The following SNAP91 variants were observed in gnomAD, a reference collection of about 807,000 sequenced individuals.
The protein encoded by SNAP91 is clathrin coat assembly protein AP180.
Under a neutral mutation model 100.3 loss-of-function variants are expected in SNAP91, and 27 were observed. That is an observed-to-expected ratio of 0.27 (90% CI 0.20 to 0.37). The LOEUF is 0.37. SNAP91 is among the 10% of genes least tolerant of loss of function. The pLI, the probability that SNAP91 is intolerant of heterozygous loss-of-function variation, is 1.00. For missense variants in SNAP91, 986 were observed against 1,123.7 expected (o/e 0.88, Z 1.75); for synonymous variants, 404 against 398.6 (o/e 1.01, Z -0.16).
chr6:83,605,642 T>C (rs780699393), intron 14 of SNAP91, 43 bp downstream of exon 14: 1 of 1,547,310 alleles, frequency 6.5e-7, no homozygotes. Context: ...AACAATGAAA[T>C]AAAATGAATA....
At chr6:83,690,323 C>A in intron 2 of SNAP91, 2 of 1,258,812 alleles carry the variant, frequency 1.6e-6, no homozygotes, top group South Asian at 1.3e-5. Flanking sequence ...TTTAGCACAA[C>A]TTTTTAAAAG....
intron 26 of SNAP91, among the ~76,000 whole-genome samples, chr6:83,567,793 T>C (rs972500343): frequency 6.6e-6 from 1 of 152,012 alleles, no homozygotes; most frequent in Non-Finnish European, 1.5e-5. Context: ...AAAACCACAA[T>C]GAGATACCAT....
At chr6:83,659,906 G>A (rs1345684268) in intron 5 of SNAP91, among the ~76,000 whole-genome samples, 1 of 152,182 alleles carries the variant, frequency 6.6e-6, no homozygotes, top group Non-Finnish European at 1.5e-5. Flanking sequence ...AAAGGTAAGA[G>A]TTTAGCTACA....
intron 6 of SNAP91, 92 bp from the exon 7 acceptor site, chr6:83,656,957 A>C (rs1204751294): frequency 5.0e-6 from 3 of 601,344 alleles, no homozygotes; most frequent in Non-Finnish European, 8.7e-6. Context: ...GACTACTAAG[A>C]AATTCATGAA....
intron 24 of SNAP91, among the ~76,000 whole-genome samples, chr6:83,578,231 C>T (rs2128103956): frequency 6.6e-6 from 1 of 152,080 alleles, no homozygotes; most frequent in Middle Eastern, 3.4e-3. Context: ...CTCCATACAC[C>T]TAGGAGTGGA....
At chr6:83,591,357 A>G (rs1049046479) in intron 21 of SNAP91, 63 bp from the exon 22 acceptor site, 3 of 1,067,828 alleles carry the variant, frequency 2.8e-6, no homozygotes, top group Admixed American at 1.7e-5. Context: ...ACAGTAAGTA[A>G]TTTAAGTATT....
At chr6:83,611,863 ATTTTTTTTTTTTTTTT>A (rs750966269) in intron 11 of SNAP91, among the ~76,000 whole-genome samples, 4 of 91,260 alleles carry the variant, frequency 4.4e-5, no homozygotes, top group Admixed American at 1.3e-4. Context: ...CGCCCGGCTA[ATTTTTTTTTTTTTTTT>A]TTTTTTTTTT....
At chr6:83,644,652 T>C (rs1360355856) in intron 7 of SNAP91, among the ~76,000 whole-genome samples, 1 of 152,186 alleles carries the variant, frequency 6.6e-6, no homozygotes, top group Non-Finnish European at 1.5e-5. Context: ...AAAATTATCA[T>C]CTCTGAGAGA....
chr6:83,619,613 T>C (rs1386398992), intron 9 of SNAP91, among the ~76,000 whole-genome samples: 2 of 152,186 alleles, frequency 1.3e-5, no homozygotes, highest in South Asian at 2.1e-4. Context: ...CAGCAACATA[T>C]GGTTACCGAT....
At chr6:83,635,962 G>C (rs2097425271) in intron 8 of SNAP91, among the ~76,000 whole-genome samples, 1 of 152,082 alleles carries the variant, frequency 6.6e-6, no homozygotes, top group African/African-American at 2.4e-5. Flanking sequence ...ATTCTTAGTT[G>C]GAAATTCTTC....
chr6:83,600,676 CT>C (rs1295889059), intron 16 of SNAP91, among the ~76,000 whole-genome samples: 1 of 152,174 alleles, frequency 6.6e-6, no homozygotes, highest in Non-Finnish European at 1.5e-5. Context: ...TTCAATCAGC[CT>C]TTCAAGTGCT....
rs760151771 is a variant in SNAP91 at position 83,592,948 on chromosome 6, G to A, written c.1844C>T (p.Ser615Phe). ...PESSLTADLLSVDAFAAPSPA... is the reference protein window; with the variant it reads ...PESSLTADLLFVDAFAAPSPA... ...CCTGACCTTGGCAAAGCACTCACCA[G>A]ATAAGAGGTCAGCAGTGAGAGAACT... The change falls in exon 20 of 30, where the codon TCT (serine) becomes TTT (phenylalanine). Residue 615 changes from serine (S) to phenylalanine (F), a missense_variant and splice_region_variant. Around this residue, in one of 4 missense-constraint regions of SNAP91, gnomAD observed 575 missense variants for 579.9 expected, o/e 0.99. Transcript: ENST00000369694. The A allele has an allele frequency of 1.3e-6, 2 of 1,578,860 alleles. No homozygotes were observed. Among genetic ancestry groups the A allele is most frequent in the Non-Finnish European group, 1.7e-6 (2 of 1,161,580 alleles).
At chr6:83,695,434 T>C (rs1342723765) in intron 2 of SNAP91, among the ~76,000 whole-genome samples, 2 of 152,196 alleles carry the variant, frequency 1.3e-5, no homozygotes, top group Admixed American at 6.5e-5. Flanking sequence ...GCCAGTATCT[T>C]ATTGTTTGAA....
intron 6 of SNAP91, among the ~76,000 whole-genome samples, chr6:83,657,687 C>T (rs2098440142): frequency 6.6e-6 from 1 of 151,804 alleles, no homozygotes; most frequent in South Asian, 2.1e-4. Context: ...TAGGCAACTA[C>T]CAAAATACAA....
intron 22 of SNAP91, among the ~76,000 whole-genome samples, chr6:83,587,801 C>T (rs193221957): frequency 6.6e-6 from 1 of 152,078 alleles, no homozygotes; most frequent in Non-Finnish European, 1.5e-5. Flanking sequence ...AAAGTTGCTC[C>T]TAGTTCACAG....
At chr6:83,557,877 A>G (rs942508402) in intron 28 of SNAP91, among the ~76,000 whole-genome samples, 8 of 151,912 alleles carry the variant, frequency 5.3e-5, no homozygotes, top group African/African-American at 1.9e-4. Flanking sequence ...CATCAGTAAT[A>G]AAAAAACTAC....
intron 2 of SNAP91, among the ~76,000 whole-genome samples, chr6:83,685,219 T>G (rs2099044525): frequency 6.6e-6 from 1 of 152,160 alleles, no homozygotes; most frequent in African/African-American, 2.4e-5. Flanking sequence ...AATTGCTGGC[T>G]GGGGAAAACT....
chr6:83,604,321 A>T lies in SNAP91; in HGVS notation c.1141+1364T>A, dbSNP rs1339426559. ...TTACCAATAGAAATTTAATAAAGTTAAATAAAGCTGAGAGAACAATTTTAT... is the reference window on the plus strand; with the variant it reads ...TTACCAATAGAAATTTAATAAAGTTTAATAAAGCTGAGAGAACAATTTTAT... On this transcript the variant is annotated intron_variant, in intron 14 of 29. Transcript: ENST00000369694. Among the ~76,000 whole-genome samples, 3 of 151,844 alleles carry T rather than the reference A, an allele frequency of 2.0e-5. No homozygotes were observed. The East Asian group carries it at 5.8e-4, about 29-fold the overall frequency.
intron 2 of SNAP91, among the ~76,000 whole-genome samples, chr6:83,677,938 A>G (rs1315649875): frequency 6.6e-6 from 1 of 152,196 alleles, no homozygotes; most frequent in Non-Finnish European, 1.5e-5. Flanking sequence ...GGCAATCCAC[A>G]AAGAATCTCA....
Sources: allele counts gnomAD v4.1 joint callset (sites outside exome capture counted in the v4.1 genomes callset), GRCh38; gene constraint gnomAD v4.1.1; regional missense constraint gnomAD v4.1.1; transcripts MANE v1.5; gene names NCBI Gene and HGNC (gene_info 2026-07-23, HGNC 2026-07-21).